The following ENPP2 variants were observed in gnomAD, a reference collection of about 807,000 sequenced individuals.
ENPP2 encodes autotaxin.
ENPP2 carries 51 observed loss-of-function variants against 120.2 expected under a neutral mutation model. The ratio of observed to expected loss-of-function variants is 0.42; its 90% CI spans 0.34 to 0.54. The LOEUF is 0.54. Among genes scored for constraint, ENPP2 ranks in the 20% least tolerant of loss-of-function variants. The probability of loss-of-function intolerance (pLI) is 0.04; values close to 1 mark genes in which losing one functional copy is unlikely to be tolerated. For missense variants in ENPP2, 920 were observed against 1,066.5 expected (o/e 0.86, Z 1.91); for synonymous variants, 365 against 366.4 (o/e 1.00, Z 0.04).
chr8:119,565,944 A>T (rs1814390049), intron 22 of ENPP2, among the ~76,000 whole-genome samples: 1 of 152,122 alleles, frequency 6.6e-6, no homozygotes, highest in Non-Finnish European at 1.5e-5. Context: ...AATTAGAGTG[A>T]AATCCCAACT....
At chr8:119,577,957 C>T (rs1812459924) in intron 19 of ENPP2, among the ~76,000 whole-genome samples, 1 of 152,194 alleles carries the variant, frequency 6.6e-6, no homozygotes, top group Non-Finnish European at 1.5e-5. Flanking sequence ...AACTATAGCT[C>T]CTTATAGCCC....
intron 1 of ENPP2, among the ~76,000 whole-genome samples, chr8:119,653,595 G>C (rs1314060760): frequency 6.6e-6 from 1 of 152,158 alleles, no homozygotes; most frequent in East Asian, 1.9e-4. Flanking sequence ...AGCAGAGTGA[G>C]AGACGAGGCA....
chr8:119,653,924 C>A (rs548311821), intron 1 of ENPP2, among the ~76,000 whole-genome samples: 8 of 148,506 alleles, frequency 5.4e-5, no homozygotes, highest in African/African-American at 1.7e-4. Flanking sequence ...ATGCATCTCT[C>A]TATATATTTT....
rs1302312151 is a variant in ENPP2 at position 119,590,514 on chromosome 8, T to G, written c.1198A>C (p.Asn400His). The part of the protein sequence containing the change: ...LGRIRSKFSN[N>H]AKYDPKAIIA... ...TTAAGAATCAACTTACATTTAGCAT[T>G]GTTGCTAAATTTGGATCGAATTCTT... is the stretch of plus-strand genomic sequence containing the variant. The change falls in exon 13 of 25, where the codon AAT (asparagine) becomes CAT (histidine). Residue 400 changes from asparagine to histidine, a missense_variant. Physicochemically the swap from Asn to His is moderately conservative, Grantham distance 68 (BLOSUM62 1). Transcript: ENST00000075322. The G allele has an allele frequency of 1.3e-6, 2 of 1,596,644 alleles. No homozygotes were observed. Among genetic ancestry groups the G allele is most frequent in the Non-Finnish European group, 1.7e-6 (2 of 1,172,216 alleles).
intron 19 of ENPP2, among the ~76,000 whole-genome samples, chr8:119,579,298 C>T (rs1812563674): frequency 1.3e-5 from 2 of 152,166 alleles, no homozygotes; most frequent in South Asian, 4.1e-4. Flanking sequence ...AAATGTACTT[C>T]CCTACACCAT....
chr8:119,618,509 GGTTC>G (rs1193607030), intron 5 of ENPP2: 54 of 348,012 alleles, frequency 1.6e-4, no homozygotes, highest in Non-Finnish European at 2.0e-4. Flanking sequence ...GTGCTATAAA[GGTTC>G]CCATTCAGAA....
intron 8 of ENPP2, 55 bp from the exon 9 acceptor site, chr8:119,608,032 GA>G: frequency 7.6e-7 from 1 of 1,312,624 alleles, no homozygotes; most frequent in Non-Finnish European, 1.1e-6. Flanking sequence ...TGTCAAAGAA[GA>G]AAAAGTTTTT....
chr8:119,646,509 A>G (rs759963067), intron 1 of ENPP2, among the ~76,000 whole-genome samples: 11 of 152,170 alleles, frequency 7.2e-5, no homozygotes, highest in Non-Finnish European at 1.6e-4. Flanking sequence ...GGTAAATTCA[A>G]GCTGCTTAAC....
At chr8:119,604,587 CA>C (rs34725889) in intron 9 of ENPP2, among the ~76,000 whole-genome samples, 58,551 of 141,490 alleles carry the variant, frequency 0.41, 11,838 homozygotes, top group Non-Finnish European at 0.49. Context: ...TAGAAATGGT[CA>C]AAAAAAAAAA....
chr8:119,610,992 A>T (rs1245152468), intron 8 of ENPP2, among the ~76,000 whole-genome samples: 2 of 151,998 alleles, frequency 1.3e-5, no homozygotes, highest in Non-Finnish European at 2.9e-5. Flanking sequence ...AACTCCCTGC[A>T]TTGCTTTCCT....
upstream of ENPP2, among the ~76,000 whole-genome samples, chr8:119,640,558 A>G (rs1817249336): frequency 6.6e-6 from 1 of 152,216 alleles, no homozygotes; most frequent in South Asian, 2.1e-4. Flanking sequence ...AAACCTAGCT[A>G]GAAGACAATG....
At chr8:119,584,124 C>G (rs1226620433) in intron 15 of ENPP2, 75 bp from the exon 16 acceptor site, 14 of 965,236 alleles carry the variant, frequency 1.5e-5, no homozygotes, top group African/African-American at 3.2e-5. Context: ...TTTCAGGGTA[C>G]AAAGAATATC....
intron 15 of ENPP2, 73 bp downstream of exon 15, chr8:119,586,113 T>A: frequency 1.3e-6 from 2 of 1,483,778 alleles, no homozygotes; most frequent in Non-Finnish European, 1.9e-6. Flanking sequence ...TGACTAAGGA[T>A]GATAAAATAT....
exon 1 of ENPP2, chr8:119,673,362 G>C (rs1268502206): frequency 2.9e-5 from 42 of 1,453,228 alleles, no homozygotes; most frequent in Non-Finnish European, 3.7e-5. Context: ...TGCTCGGGAC[G>C]GCTGCTGCGG....
intron 1 of ENPP2, among the ~76,000 whole-genome samples, chr8:119,672,338 G>C (rs772214922): frequency 2.0e-5 from 3 of 152,116 alleles, no homozygotes; most frequent in Non-Finnish European, 4.4e-5. Context: ...ACCAGAATCG[G>C]GTTCCCTCTC....
intron 2 of ENPP2, among the ~76,000 whole-genome samples, chr8:119,628,300 A>C (rs879747631): frequency 2.0e-5 from 3 of 152,222 alleles, no homozygotes; most frequent in Non-Finnish European, 4.4e-5. Context: ...CCAGGAATTA[A>C]AATTTTTGTA....
intron 12 of ENPP2, among the ~76,000 whole-genome samples, chr8:119,591,112 A>G (rs1028284439): frequency 3.9e-5 from 6 of 152,012 alleles, no homozygotes; most frequent in Admixed American, 3.9e-4. Flanking sequence ...CCAACTCTCT[A>G]ATATATCTCC....
chr8:119,604,189 G>A (rs1465390628), intron 9 of ENPP2, among the ~76,000 whole-genome samples: 1 of 151,898 alleles, frequency 6.6e-6, no homozygotes, highest in Non-Finnish European at 1.5e-5. Flanking sequence ...CACCACGCCT[G>A]GCTAATTTTT....
intron 1 of ENPP2, among the ~76,000 whole-genome samples, chr8:119,663,437 T>C (rs1449286132): frequency 6.6e-6 from 1 of 152,222 alleles, no homozygotes; most frequent in Admixed American, 6.5e-5. Flanking sequence ...CCTAAAAAAG[T>C]ATACATTGTT....
Sources: allele counts gnomAD v4.1 joint callset (sites outside exome capture counted in the v4.1 genomes callset), GRCh38; gene constraint gnomAD v4.1.1; transcripts MANE v1.5; gene names NCBI Gene and HGNC (gene_info 2026-07-23, HGNC 2026-07-21).